Variants in SLC4A1AP observed in about 807,000 individuals in gnomAD.
The protein encoded by SLC4A1AP is solute carrier family 4 member 1 adaptor protein, also known as kanadaptin.
SLC4A1AP carries 64 observed loss-of-function variants against 89.7 expected under a neutral mutation model. That is an observed-to-expected ratio of 0.71 (90% confidence interval 0.58 to 0.88). The LOEUF is 0.88. SLC4A1AP is among the 40% of genes least tolerant of loss of function. The pLI is 0.00. For synonymous variants in SLC4A1AP, 366 were observed against 353.3 expected (o/e 1.04, Z -0.40); for missense variants, 931 against 965.0 (o/e 0.96, Z 0.47).
chr2:27,665,801 G>A (rs555670793), intron 2 of SLC4A1AP, among the ~76,000 whole-genome samples: 1 of 152,290 alleles, frequency 6.6e-6, no homozygotes, highest in Admixed American at 6.5e-5. Context: ...TTAGAAAATG[G>A]ATATTCAGGA....
At chr2:27,674,187 T>C (rs1198530235) in intron 5 of SLC4A1AP, among the ~76,000 whole-genome samples, 2 of 152,144 alleles carry the variant, frequency 1.3e-5, no homozygotes, top group East Asian at 1.9e-4. Flanking sequence ...TCTCTAAATA[T>C]AAATATGAGG....
rs1340614067 is a variant in SLC4A1AP, at chr2:27,664,027, G to T, written c.275G>T (p.Ser92Ile). 2 of 1,614,240 alleles carry T rather than the reference G, an allele frequency of 1.2e-6. No individual in the cohort carries two copies. The highest frequency in any genetic ancestry group is 1.7e-6 in the Non-Finnish European group (2 of 1,180,042). The stretch of plus-strand genomic sequence containing the variant: ...GCGGCGCGGAGTAAGGCCCCGGCCA[G>T]CAGTTCTTCAAACCCTGAGGAGGTA... The change falls in exon 1 of 14, where the codon AGC becomes ATC. Residue 92 changes from serine to isoleucine, a missense_variant. By Grantham distance (142) the Ser-to-Ile change is moderately radical. Transcript: ENST00000613058.
chr2:27,677,415 C>G, intron 7 of SLC4A1AP, 51 bp downstream of exon 7: 2 of 1,225,312 alleles, frequency 1.6e-6, no homozygotes, highest in African/African-American at 3.0e-5. Flanking sequence ...GTGCTCTATG[C>G]TAGGCACTGG....
chr2:27,694,451 C>A (rs543102348), intron 13 of SLC4A1AP, among the ~76,000 whole-genome samples, 183 bp from the exon 14 acceptor site: 1 of 152,122 alleles, frequency 6.6e-6, no homozygotes, highest in East Asian at 1.9e-4. Flanking sequence ...TCTATGCTAA[C>A]AAATGTTAGG....
Position 27,682,378 on chromosome 2 carries a change from T to C in SLC4A1AP, c.1875+19T>C. On this transcript the variant is annotated intron_variant, in intron 9 of 13. Transcript: ENST00000613058. The stretch of plus-strand genomic sequence containing the variant: ...AGTAGGGGTAAGTTGTGAGTCAGGG[T>C]GTTAAACTTTTAGCCCTTGAGTTAT... The C allele has an allele frequency of 1.3e-6, 2 of 1,507,070 alleles. No homozygotes were observed. Among genetic ancestry groups the C allele is most frequent in the Non-Finnish European group, 9.2e-7 (1 of 1,089,482 alleles). The allele number at this position is 1,507,070 out of a possible 1,614,324, so 93.4% of individuals were successfully genotyped here. A position where few individuals can be genotyped will look rare whatever the true frequency, so the allele number is the denominator to read the frequency against.
exon 14 of SLC4A1AP, chr2:27,694,833 T>G (rs1675846979): frequency 7.6e-6 from 4 of 524,136 alleles, no homozygotes; most frequent in Non-Finnish European, 1.4e-5. Flanking sequence ...GCTTCCTAAA[T>G]TTATCTGCCC....
chr2:27,664,562 G>T (rs754086300), exon 1 of SLC4A1AP: 1 of 1,610,384 alleles, frequency 6.2e-7, no homozygotes, highest in South Asian at 1.1e-5. Context: ...GCAGCACCCG[G>T]CTCTTTATCC....
chr2:27,682,501 T>A (rs1675635330), intron 9 of SLC4A1AP, 142 bp downstream of exon 9: 3 of 514,212 alleles, frequency 5.8e-6, no homozygotes, highest in Non-Finnish European at 1.0e-5. Flanking sequence ...ATCACATCTT[T>A]CCCAGAACTT....
intron 12 of SLC4A1AP, chr2:27,691,459 A>G (rs1439761800): frequency 2.0e-5 from 3 of 152,000 alleles, no homozygotes; most frequent in Non-Finnish European, 4.4e-5. Flanking sequence ...CTAATGATCT[A>G]TGAATTTAGT....
chr2:27,688,654 A>T, intron 11 of SLC4A1AP, 46 bp from the exon 12 acceptor site: 1 of 1,350,922 alleles, frequency 7.4e-7, no homozygotes, highest in Non-Finnish European at 1.0e-6. Context: ...TTTTTATTTT[A>T]CTTATACTGA....
At chr2:27,670,290 G>A (rs1029534385) in intron 5 of SLC4A1AP, among the ~76,000 whole-genome samples, 3 of 151,542 alleles carry the variant, frequency 2.0e-5, no homozygotes, top group East Asian at 3.9e-4. Flanking sequence ...GAGCCACTGC[G>A]CCTGGCCGTA....
chr2:27,689,261 A>G (rs1675752196), intron 12 of SLC4A1AP, among the ~76,000 whole-genome samples: 1 of 152,186 alleles, frequency 6.6e-6, no homozygotes, highest in Non-Finnish European at 1.5e-5. Flanking sequence ...CAATAATACT[A>G]TAATGAACAA....
At chr2:27,667,302 C>T (rs766550678) in exon 3 of SLC4A1AP, 5 of 1,613,258 alleles carry the variant, frequency 3.1e-6, no homozygotes, top group Middle Eastern at 1.6e-4. Flanking sequence ...CTGAAGAGAA[C>T]CCTATTGTCT....
At position 27,664,207 on chromosome 2, in the gene SLC4A1AP, C is replaced by T. The variant is rs1036943982; in HGVS notation, c.455C>T (p.Pro152Leu). 5.0e-6 allele frequency: 8 copies of T among 1,614,036 alleles called. No homozygotes were observed. The highest frequency in any genetic ancestry group is 3.3e-5 in the Admixed American group (2 of 60,014). Reference sequence around the variant, plus strand: ...TCCCCTGGCGGTCCAGCCCGGGCTCCCCCCTACCAAGAGCCTCCATGGGGT... The same window carrying T: ...TCCCCTGGCGGTCCAGCCCGGGCTCTCCCCTACCAAGAGCCTCCATGGGGT... Residue 152 changes from proline (P) to leucine (L), a missense_variant, in exon 1 of 14, where the codon CCC becomes CTC. Physicochemically the swap from Pro to Leu is moderately conservative, Grantham distance 98 (BLOSUM62 -3). Transcript: ENST00000613058.
intron 5 of SLC4A1AP, among the ~76,000 whole-genome samples, chr2:27,674,913 T>A (rs1675493045): frequency 6.6e-6 from 1 of 152,190 alleles, no homozygotes; most frequent in Admixed American, 6.5e-5. Context: ...GGTTTCACCA[T>A]GTTGGTGAGG....
exon 11 of SLC4A1AP, chr2:27,687,992 A>G: frequency 1.2e-6 from 2 of 1,613,990 alleles, no homozygotes; most frequent in Non-Finnish European, 1.7e-6. Context: ...ACTGTAGCAA[A>G]ACCACTTCAT....
At chr2:27,673,001 G>A (rs968928638) in intron 5 of SLC4A1AP, among the ~76,000 whole-genome samples, 2 of 148,616 alleles carry the variant, frequency 1.3e-5, no homozygotes, top group African/African-American at 4.9e-5. Context: ...TAGTCAACTC[G>A]TAATCCAAAG....
exon 1 of SLC4A1AP, chr2:27,664,275 G>A (rs762788158): frequency 1.2e-6 from 2 of 1,614,202 alleles, no homozygotes; most frequent in Non-Finnish European, 1.7e-6. Flanking sequence ...CCTGAAGGGC[G>A]GCACTATCCT....
At chr2:27,674,040 G>C (rs971214419) in intron 5 of SLC4A1AP, among the ~76,000 whole-genome samples, 1 of 151,510 alleles carries the variant, frequency 6.6e-6, no homozygotes, top group Non-Finnish European at 1.5e-5. Context: ...GTCTGTGAGT[G>C]AGTCTGTCTC....
Sources: gnomAD v4.1 joint callset for allele counts (sites outside exome capture counted in the v4.1 genomes callset) on GRCh38, gnomAD v4.1.1 for gene constraint, MANE v1.5 for transcripts, NCBI Gene and HGNC (gene_info 2026-07-23, HGNC 2026-07-21) for gene names.